The following RELN variants were observed in gnomAD, a reference collection of about 807,000 sequenced individuals.
The protein encoded by RELN is reelin.
In RELN, 108 loss-of-function variants were observed where a neutral mutation model predicts 427.6. That is an observed-to-expected ratio of 0.25 (90% CI 0.22 to 0.30). RELN has a LOEUF of 0.30. RELN is among the 10% of genes least tolerant of loss of function. The probability of loss-of-function intolerance (pLI) is 1.00; values close to 1 mark genes in which losing one functional copy is unlikely to be tolerated. For synonymous variants in RELN, 1,524 were observed against 1,513.4 expected (o/e 1.01, Z -0.16); for missense variants, 3,715 against 4,302.8 (o/e 0.86, Z 3.82).
intron 1 of RELN, among the ~76,000 whole-genome samples, chr7:103,948,411 G>A (rs1381550563): frequency 2.0e-5 from 3 of 151,952 alleles, no homozygotes; most frequent in Non-Finnish European, 4.4e-5. Context: ...GGTGACTCAC[G>A]CCTGTAATCT....
chr7:103,709,889 C>T (rs1318923077), intron 8 of RELN, among the ~76,000 whole-genome samples: 1 of 151,700 alleles, frequency 6.6e-6, no homozygotes, highest in Non-Finnish European at 1.5e-5. Context: ...CTCTATGGTC[C>T]CTATAAGACA....
chr7:103,869,070 C>T (rs1243602993), intron 2 of RELN, among the ~76,000 whole-genome samples: 3 of 151,862 alleles, frequency 2.0e-5, no homozygotes, highest in Non-Finnish European at 2.9e-5. Flanking sequence ...AAGTTCAATG[C>T]TTTTTATTTG....
At chr7:103,713,697 G>A (rs1347112775) in intron 8 of RELN, among the ~76,000 whole-genome samples, 1 of 150,530 alleles carries the variant, frequency 6.6e-6, no homozygotes, top group South Asian at 2.1e-4. Context: ...TGAATTTTGA[G>A]GTCAGTATTA....
At chr7:103,669,992 G>C (rs554937785) in intron 11 of RELN, among the ~76,000 whole-genome samples, 1 of 152,172 alleles carries the variant, frequency 6.6e-6, no homozygotes, top group African/African-American at 2.4e-5. Context: ...GTTCCTTAGA[G>C]ATAGCAAGGT....
chr7:103,833,739 A>G, intron 2 of RELN, 67 bp from the exon 3 acceptor site: 1 of 1,454,724 alleles, frequency 6.9e-7, no homozygotes, highest in Non-Finnish European at 9.5e-7. Context: ...ATGGCATCAC[A>G]GTATTTTCTG....
At chr7:103,876,406 T>C (rs1222499253) in intron 2 of RELN, among the ~76,000 whole-genome samples, 1 of 152,166 alleles carries the variant, frequency 6.6e-6, no homozygotes, top group African/African-American at 2.4e-5. Flanking sequence ...ATTACTATTT[T>C]CCTCAATCAC....
chr7:103,982,117 A>G (rs948367444), intron 1 of RELN, among the ~76,000 whole-genome samples: 20 of 152,130 alleles, frequency 1.3e-4, no homozygotes, highest in Non-Finnish European at 2.9e-5. Flanking sequence ...AGTGAGCCGA[A>G]AAGGTGTCAC....
rs1831503501 is a variant in RELN at position 103,594,923 on chromosome 7, A to G, written c.3540-431T>C. ...ATTAAAAATGAAACATAAATTGCCCATAATCTACTACATAGCGTTGGCTTC... is the reference window on the plus strand; with the variant it reads ...ATTAAAAATGAAACATAAATTGCCCGTAATCTACTACATAGCGTTGGCTTC... On this transcript the variant is annotated intron_variant, in intron 25 of 64. Coordinates refer to ENST00000428762, the MANE Select transcript of RELN (RefSeq NM_005045.4). Among the ~76,000 whole-genome samples, 3 of 152,228 alleles carry G rather than the reference A, an allele frequency of 2.0e-5. No individual in the cohort carries two copies. The South Asian group carries it at 6.2e-4, about 32-fold the overall frequency.
rs1830152521 is a variant in RELN, at chr7:103,540,405, G to A, written c.6722C>T (p.Pro2241Leu). Reference sequence around the variant, plus strand: ...CTGTAGGAGCACGGGTTGACTCCTGGGGTCAGGAACGCCTTTACCACATCC... The same window carrying A: ...CTGTAGGAGCACGGGTTGACTCCTGAGGTCAGGAACGCCTTTACCACATCC... ...RLGCGKGVPDPRSQPVLLQYS... is the reference protein window; with the variant it reads ...RLGCGKGVPDLRSQPVLLQYS... Residue 2241 changes from proline to leucine, a missense_variant, in exon 44 of 65, where the codon CCC becomes CTC. By Grantham distance (98) the Pro-to-Leu change is moderately conservative. This residue lies in a region of RELN where 1,310 missense variants were observed against 1,643.0 expected (regional missense o/e 0.80). Coordinates refer to ENST00000428762, the MANE Select transcript of RELN (RefSeq NM_005045.4). The A allele has an allele frequency of 2.5e-6, 4 of 1,613,968 alleles. No homozygotes were observed. In the East Asian group the frequency reaches 8.9e-5, roughly 36 times the overall value.
At chr7:103,856,613 T>G (rs1257260178) in intron 2 of RELN, among the ~76,000 whole-genome samples, 1 of 136,614 alleles carries the variant, frequency 7.3e-6, no homozygotes, top group South Asian at 2.4e-4. Context: ...AAAAAGCAAA[T>G]ATGTTGACAA....
At chr7:103,888,286 G>A (rs984991266) in intron 2 of RELN, among the ~76,000 whole-genome samples, 1 of 151,478 alleles carries the variant, frequency 6.6e-6, no homozygotes, top group Admixed American at 6.6e-5. Flanking sequence ...AATCAAGTAA[G>A]TATTTATGAA....
chr7:103,572,528 A>G (rs538255551), intron 30 of RELN, among the ~76,000 whole-genome samples: 12 of 151,970 alleles, frequency 7.9e-5, no homozygotes, highest in Admixed American at 3.9e-4. Context: ...TCATTGTGAC[A>G]GTCTGTTATA....
chr7:103,734,397 C>G (rs1279807084), intron 6 of RELN, among the ~76,000 whole-genome samples: 1 of 151,996 alleles, frequency 6.6e-6, no homozygotes, highest in Non-Finnish European at 1.5e-5. Flanking sequence ...TTTATATTTC[C>G]CAATATGAAA....
rs764488118 is a variant in RELN, at chr7:103,482,866, T to G, written c.10280+7A>C. 6.2e-7 allele frequency: 1 copy of G among 1,613,962 alleles called. No individual in the cohort carries two copies. The highest frequency in any genetic ancestry group is 1.3e-5 in the African/African-American group (1 of 74,924). Reference sequence around the variant, plus strand: ...TGGACATGGGATGCCATGTAATAGATACTCACAGGACGACCTCCACATGGT... The same window carrying G: ...TGGACATGGGATGCCATGTAATAGAGACTCACAGGACGACCTCCACATGGT... On this transcript the variant is annotated splice_region_variant and intron_variant, in intron 63 of 64. Coordinates refer to ENST00000428762, the MANE Select transcript of RELN (RefSeq NM_005045.4).
chr7:103,598,709 C>G (rs1443958968), intron 24 of RELN, among the ~76,000 whole-genome samples: 1 of 152,134 alleles, frequency 6.6e-6, no homozygotes, highest in Non-Finnish European at 1.5e-5. Flanking sequence ...CTTAGTTTGG[C>G]ACTGAAAGTG....
chr7:103,923,335 T>C (rs1489349085), intron 1 of RELN, among the ~76,000 whole-genome samples: 2 of 152,162 alleles, frequency 1.3e-5, no homozygotes, highest in African/African-American at 2.4e-5. Context: ...TCCAAACCTC[T>C]AGAAGAACAT....
chr7:103,510,742 T>G (rs2117061402), intron 51 of RELN, 109 bp downstream of exon 51: 3 of 905,222 alleles, frequency 3.3e-6, no homozygotes, highest in Non-Finnish European at 5.3e-6. Context: ...AATTTTACTT[T>G]TCAAAGTATA....
intron 1 of RELN, among the ~76,000 whole-genome samples, chr7:103,986,629 T>TA (rs34403864): frequency 0.2 from 20,222 of 102,086 alleles, 2,257 homozygotes; most frequent in East Asian, 0.59. Flanking sequence ...TTCTTTTAGG[T>TA]AAAAAAAAAA....
intron 47 of RELN, among the ~76,000 whole-genome samples, chr7:103,522,851 A>ACAGACACACACACACACC (rs1562870297): frequency 2.7e-5 from 4 of 150,920 alleles, no homozygotes; most frequent in African/African-American, 7.3e-5. Context: ...ACACACACAC[A>ACAGACACACACACACACC]CCCCCACACC....
Sources: allele counts gnomAD v4.1 joint callset (sites outside exome capture counted in the v4.1 genomes callset), GRCh38; gene constraint gnomAD v4.1.1; regional missense constraint gnomAD v4.1.1; transcripts MANE v1.5; gene names NCBI Gene and HGNC (gene_info 2026-07-23, HGNC 2026-07-21).